Variants in DTWD2 observed in about 807,000 individuals in gnomAD.
DTWD2 encodes DTW motif tRNA-uridine aminocarboxypropyltransferase 2, also known as tRNA-uridine aminocarboxypropyltransferase 2.
DTWD2 carries 39 observed loss-of-function variants against 31.8 expected under a neutral mutation model. The observed-to-expected ratio is 1.22, with a 90% CI of 0.95 to 1.60. DTWD2 has a LOEUF of 1.60. DTWD2 is among the 40% of genes most tolerant of loss of function. The pLI, the probability that DTWD2 is intolerant of heterozygous loss-of-function variation, is 0.00. For synonymous variants in DTWD2, 180 were observed against 142.8 expected, an observed-to-expected ratio of 1.26 and a Z score of -1.86; for missense variants, 515 against 381.5, an observed-to-expected ratio of 1.35 and a Z score of -2.92.
chr5:118,982,308 AT>A (rs1240191113), intron 1 of DTWD2, among the ~76,000 whole-genome samples: 1 of 152,168 alleles, frequency 6.6e-6, no homozygotes, highest in African/African-American at 2.4e-5. Context: ...TATAATTCCT[AT>A]TTTTCCTAGG....
intron 4 of DTWD2, among the ~76,000 whole-genome samples, chr5:118,868,914 G>A (rs1392380300): frequency 6.6e-6 from 1 of 151,640 alleles, no homozygotes; most frequent in African/African-American, 2.4e-5. Context: ...GAAAATCTTG[G>A]AGAACATTAC....
In DTWD2 at chr5:118,836,837, T is replaced by C. The variant is rs1751582965; in HGVS notation, c.*4080A>G. ...CAAATCTGCTGGCACCTTGATATTGTATTTCCCAGCCTCCAGACTTAGAAG... is the reference window on the plus strand; with the variant it reads ...CAAATCTGCTGGCACCTTGATATTGCATTTCCCAGCCTCCAGACTTAGAAG... On this transcript the variant is annotated 3_prime_UTR_variant, in exon 6 of 6. Coordinates refer to ENST00000510708, the MANE Select transcript of DTWD2 (RefSeq NM_173666.4). 6.6e-6 allele frequency among the ~76,000 whole-genome samples: 1 copy of C among 152,186 alleles called. No individual in the cohort carries two copies. Among genetic ancestry groups the C allele is most frequent in the Non-Finnish European group, 1.5e-5 (1 of 68,018 alleles).
At chr5:118,918,740 C>A (rs1753635766) in intron 4 of DTWD2, among the ~76,000 whole-genome samples, 2 of 151,644 alleles carry the variant, frequency 1.3e-5, no homozygotes, top group Admixed American at 1.3e-4. Flanking sequence ...GTAATCCCAG[C>A]ATTTTCAGAG....
intron 1 of DTWD2, among the ~76,000 whole-genome samples, chr5:118,959,361 G>T (rs959648982): frequency 1.3e-5 from 2 of 151,842 alleles, no homozygotes; most frequent in African/African-American, 4.8e-5. Flanking sequence ...GACACAAAAA[G>T]AATAAAAATA....
intron 4 of DTWD2, among the ~76,000 whole-genome samples, chr5:118,893,993 G>A (rs1254386932): frequency 6.6e-6 from 1 of 150,766 alleles, no homozygotes. Flanking sequence ...TAATAAATTT[G>A]TGCTGCACCA....
intron 4 of DTWD2, among the ~76,000 whole-genome samples, chr5:118,926,198 C>T (rs1304937424): frequency 6.6e-6 from 1 of 152,106 alleles, no homozygotes; most frequent in East Asian, 1.9e-4. Flanking sequence ...TATATATATA[C>T]CACGGAATAC....
At chr5:118,985,517 T>TATATATATATATATAC (rs1554072595) in intron 1 of DTWD2, among the ~76,000 whole-genome samples, 3,369 of 106,834 alleles carry the variant, frequency 0.032, 90 homozygotes, top group Non-Finnish European at 0.051. Flanking sequence ...TATATATATA[T>TATATATATATATATAC]ACACACACAT....
Position 118,948,098 on chromosome 5 carries a change from A to T in DTWD2, c.219-3449T>A, listed in dbSNP as rs1363808310. On this transcript the variant is annotated intron_variant, in intron 1 of 5. Coordinates refer to ENST00000510708, the MANE Select transcript of DTWD2 (RefSeq NM_173666.4). ...GTAAAATGTTATTGGGGCAACATAG[A>T]GTGTTGACAGATGTGGAAGATACTA... 2.0e-5 allele frequency among the ~76,000 whole-genome samples: 3 copies of T among 152,180 alleles called. No individual in the cohort carries two copies. The East Asian group carries it at 5.8e-4, about 29-fold the overall frequency.
chr5:118,919,654 C>T (rs1753657500), intron 4 of DTWD2, among the ~76,000 whole-genome samples: 2 of 152,148 alleles, frequency 1.3e-5, no homozygotes, highest in Non-Finnish European at 2.9e-5. Context: ...ATATAAGGTT[C>T]ATAACAAGGG....
chr5:118,932,258 C>T (rs1318701853), intron 3 of DTWD2, among the ~76,000 whole-genome samples: 1 of 149,964 alleles, frequency 6.7e-6, no homozygotes, highest in Non-Finnish European at 1.5e-5. Flanking sequence ...AGGAGGGTCA[C>T]TTGAGGCCAG....
At position 118,888,856 on chromosome 5, in the gene DTWD2, T is replaced by C. The variant is rs116723285; in HGVS notation, c.597+39681A>G. Reference sequence around the variant, plus strand: ...ATTTGCATTTCTCTAATGACTAATGTTACTAATATCTTTTCGTGTGTATTT... The same window carrying C: ...ATTTGCATTTCTCTAATGACTAATGCTACTAATATCTTTTCGTGTGTATTT... On this transcript the variant is annotated intron_variant, in intron 4 of 5. Transcript: ENST00000510708. Among the ~76,000 whole-genome samples the C allele has an allele frequency of 2.3e-3, 356 of 152,326 alleles. 3 individuals are homozygous for C. Among genetic ancestry groups the C allele is most frequent in the Non-Finnish European group, 2.1e-3 (144 of 68,010 alleles).
intron 1 of DTWD2, among the ~76,000 whole-genome samples, chr5:118,964,158 C>T (rs2149594582): frequency 6.8e-6 from 1 of 146,046 alleles, no homozygotes; most frequent in South Asian, 2.2e-4. Context: ...GCGGTGGTTG[C>T]AGTGAGCCGA....
At chr5:118,883,582 C>T (rs1752791773) in intron 4 of DTWD2, among the ~76,000 whole-genome samples, 1 of 152,184 alleles carries the variant, frequency 6.6e-6, no homozygotes, top group Admixed American at 6.5e-5. Flanking sequence ...CTGAGGAGGC[C>T]TCAGGAAACT....
At chr5:118,940,244 T>C (rs1028079427) in intron 2 of DTWD2, among the ~76,000 whole-genome samples, 7 of 152,206 alleles carry the variant, frequency 4.6e-5, no homozygotes, top group Admixed American at 1.3e-4. Context: ...TTGAATCCCA[T>C]AGAGCCAAGT....
At chr5:118,855,616 T>C (rs190392480) in intron 4 of DTWD2, among the ~76,000 whole-genome samples, 188 of 152,226 alleles carry the variant, frequency 1.2e-3, no homozygotes, top group African/African-American at 4.4e-3. Flanking sequence ...GGCCTAGTGA[T>C]TGGCAAGAAT....
chr5:118,898,752 C>T (rs1432964941), intron 4 of DTWD2, among the ~76,000 whole-genome samples: 1 of 150,682 alleles, frequency 6.6e-6, no homozygotes, highest in African/African-American at 2.4e-5. Context: ...CAGTATGGTA[C>T]AAAAAAATTA....
chr5:118,902,203 C>CAATCAAT, intron 4 of DTWD2, among the ~76,000 whole-genome samples: 1 of 151,964 alleles, frequency 6.6e-6, no homozygotes, highest in African/African-American at 2.4e-5. Context: ...TACAAATGTG[C>CAATCAAT]TACTTGAAAT....
intron 1 of DTWD2, among the ~76,000 whole-genome samples, chr5:118,979,076 G>A (rs771592040): frequency 7.2e-5 from 11 of 152,050 alleles, no homozygotes; most frequent in Admixed American, 2.0e-4. Flanking sequence ...AGGCCAAGGC[G>A]GGTGGATCAC....
intron 1 of DTWD2, among the ~76,000 whole-genome samples, chr5:118,982,755 C>A (rs952871544): frequency 7.2e-6 from 1 of 138,808 alleles, no homozygotes; most frequent in African/African-American, 2.7e-5. Context: ...GTGGAGCAAT[C>A]TTGGCTCACT....
Sources: gnomAD v4.1 joint callset for allele counts (sites outside exome capture counted in the v4.1 genomes callset) on GRCh38, gnomAD v4.1.1 for gene constraint, MANE v1.5 for transcripts, NCBI Gene and HGNC (gene_info 2026-07-23, HGNC 2026-07-21) for gene names.